Variants in NKAIN3 observed in about 807,000 individuals in gnomAD.
The protein encoded by NKAIN3 is sodium/potassium transporting ATPase interacting 3, also known as sodium/potassium-transporting ATPase subunit beta-1-interacting protein 3.
NKAIN3 carries 25 observed loss-of-function variants against 30.2 expected under a neutral mutation model. The observed-to-expected ratio is 0.83, with a 90% CI of 0.60 to 1.16. The LOEUF (loss-of-function observed/expected upper bound fraction) is 1.16. Ranked by LOEUF, NKAIN3 falls within the 50% of genes most tolerant of loss-of-function variation. NKAIN3 has a pLI of 0.00. For missense variants in NKAIN3, 225 were observed against 254.1 expected, an observed-to-expected ratio of 0.89 and a Z score of 0.78; for synonymous variants, 91 against 89.6, an observed-to-expected ratio of 1.02 and a Z score of -0.09.
intron 1 of NKAIN3, among the ~76,000 whole-genome samples, chr8:62,441,450 A>G (rs1396166673): frequency 6.6e-6 from 1 of 151,958 alleles, no homozygotes; most frequent in Non-Finnish European, 1.5e-5. Context: ...TTGAAAATCT[A>G]AAATATTCTC....
At chr8:62,506,287 T>C (rs79609594) in intron 1 of NKAIN3, among the ~76,000 whole-genome samples, 117 of 151,542 alleles carry the variant, frequency 7.7e-4, no homozygotes, top group African/African-American at 2.7e-3. Context: ...TAATTTATAA[T>C]AGAGACTACG....
intron 4 of NKAIN3, among the ~76,000 whole-genome samples, chr8:62,748,822 G>T (rs1413976720): frequency 6.6e-6 from 1 of 151,944 alleles, no homozygotes; most frequent in Non-Finnish European, 1.5e-5. Flanking sequence ...GATCATTCTA[G>T]GTTTCTACAA....
At chr8:62,851,064 A>G (rs1184298698) in intron 4 of NKAIN3, among the ~76,000 whole-genome samples, 6 of 151,768 alleles carry the variant, frequency 4.0e-5, no homozygotes, top group African/African-American at 9.7e-5. Context: ...CCATTTTCAC[A>G]ATATTGATTC....
At chr8:62,593,085 T>A (rs201403220) in intron 3 of NKAIN3, among the ~76,000 whole-genome samples, 4 of 152,058 alleles carry the variant, frequency 2.6e-5, no homozygotes, top group Admixed American at 2.0e-4. Context: ...CAACACAAAG[T>A]CAAACAATGT....
At chr8:62,378,970 T>C (rs989002212) in intron 1 of NKAIN3, among the ~76,000 whole-genome samples, 10 of 152,140 alleles carry the variant, frequency 6.6e-5, no homozygotes, top group African/African-American at 2.4e-4. Context: ...AGACACTCAA[T>C]GCCAGCCTGT....
chr8:62,710,976 A>G (rs899331363), intron 3 of NKAIN3, among the ~76,000 whole-genome samples: 2 of 152,136 alleles, frequency 1.3e-5, no homozygotes, highest in Non-Finnish European at 2.9e-5. Context: ...AAAAGACTGT[A>G]TCTTTCCTTC....
intron 1 of NKAIN3, among the ~76,000 whole-genome samples, chr8:62,252,344 A>G (rs766165165): frequency 1.1e-4 from 17 of 152,252 alleles, no homozygotes; most frequent in Non-Finnish European, 2.1e-4. Flanking sequence ...AGTTAAAGAA[A>G]CAAATAAAAG....
intron 1 of NKAIN3, among the ~76,000 whole-genome samples, chr8:62,492,102 G>A (rs905774842): frequency 5.9e-5 from 9 of 152,100 alleles, no homozygotes; most frequent in African/African-American, 2.2e-4. Context: ...AAAATGACAG[G>A]TGAAGTGGGG....
intron 4 of NKAIN3, among the ~76,000 whole-genome samples, chr8:62,838,129 CTGTGTG>C (rs4031520): frequency 2.0e-4 from 29 of 147,636 alleles, no homozygotes; most frequent in African/African-American, 7.0e-4. Context: ...CAATACCGCT[CTGTGTG>C]TGTGTGTGTG....
intron 5 of NKAIN3, among the ~76,000 whole-genome samples, chr8:62,998,977 G>C (rs1009640207): frequency 6.6e-6 from 1 of 152,176 alleles, no homozygotes; most frequent in African/African-American, 2.4e-5. Flanking sequence ...TAGTGATTTT[G>C]AGCAGTTTTT....
At chr8:62,566,577 A>T (rs1288991038) in intron 1 of NKAIN3, among the ~76,000 whole-genome samples, 1 of 152,158 alleles carries the variant, frequency 6.6e-6, no homozygotes, top group Non-Finnish European at 1.5e-5. Flanking sequence ...TGTTTGCATC[A>T]CAATCTTTCC....
At chr8:62,823,381 T>C (rs1477035935) in intron 4 of NKAIN3, among the ~76,000 whole-genome samples, 2 of 152,168 alleles carry the variant, frequency 1.3e-5, no homozygotes, top group East Asian at 3.9e-4. Flanking sequence ...CTTGATATCA[T>C]AATGTTTAAT....
chr8:62,641,099 TGGTTCTTG>T, intron 3 of NKAIN3, among the ~76,000 whole-genome samples: 1 of 152,176 alleles, frequency 6.6e-6, no homozygotes. Context: ...AAATGCATCT[TGGTTCTTG>T]GGTTCATGGA....
intron 1 of NKAIN3, among the ~76,000 whole-genome samples, chr8:62,292,532 A>G (rs887675437): frequency 4.6e-5 from 7 of 152,176 alleles, no homozygotes; most frequent in Non-Finnish European, 1.0e-4. Flanking sequence ...TGGGTTGAAA[A>G]TTCTTTTCTT....
intron 1 of NKAIN3, among the ~76,000 whole-genome samples, chr8:62,270,651 A>T (rs1812750440): frequency 6.6e-6 from 1 of 152,182 alleles, no homozygotes; most frequent in African/African-American, 2.4e-5. Flanking sequence ...TATTTCACAA[A>T]GAAAAAAAAC....
intron 3 of NKAIN3, among the ~76,000 whole-genome samples, chr8:62,737,780 T>G (rs1815722090): frequency 6.6e-6 from 1 of 152,194 alleles, no homozygotes; most frequent in Non-Finnish European, 1.5e-5. Context: ...CTATAGTATG[T>G]GCTGTTAATC....
intron 1 of NKAIN3, among the ~76,000 whole-genome samples, chr8:62,377,898 G>A (rs1026709630): frequency 2.0e-5 from 3 of 152,108 alleles, no homozygotes; most frequent in African/African-American, 7.2e-5. Context: ...TGTGAGAATG[G>A]ACTAATACAG....
At chr8:62,320,588 A>T (rs1014213438) in intron 1 of NKAIN3, among the ~76,000 whole-genome samples, 6 of 152,100 alleles carry the variant, frequency 3.9e-5, no homozygotes, top group Admixed American at 6.6e-5. Flanking sequence ...TCTTTCACTT[A>T]TGAAGCTTAG....
At chr8:62,640,825 C>G (rs1478895960) in intron 3 of NKAIN3, among the ~76,000 whole-genome samples, 2 of 152,048 alleles carry the variant, frequency 1.3e-5, no homozygotes, top group African/African-American at 4.8e-5. Flanking sequence ...TGGTCTAGGA[C>G]CTGAAGAAGC....
Sources: gnomAD v4.1 joint callset for allele counts (sites outside exome capture counted in the v4.1 genomes callset) on GRCh38, gnomAD v4.1.1 for gene constraint, MANE v1.5 for transcripts, NCBI Gene and HGNC (gene_info 2026-07-23, HGNC 2026-07-21) for gene names.